AUTS2: variants seen among roughly 807,000 people sequenced by gnomAD.
AUTS2 encodes activator of transcription and developmental regulator AUTS2.
In AUTS2, 17 loss-of-function variants were observed where a neutral mutation model predicts 112.4. The observed-to-expected ratio is 0.15, with a 90% CI of 0.10 to 0.23. The LOEUF is 0.23. AUTS2 is among the 10% of genes least tolerant of loss of function. The pLI, the probability that AUTS2 is intolerant of heterozygous loss-of-function variation, is 1.00. For synonymous variants in AUTS2, 751 were observed against 702.7 expected (o/e 1.07, Z -1.09); for missense variants, 1,510 against 1,701.6 (o/e 0.89, Z 1.98).
intron 4 of AUTS2, among the ~76,000 whole-genome samples, chr7:70,262,246 G>C (rs1787203551): frequency 6.6e-6 from 1 of 152,102 alleles, no homozygotes; most frequent in Non-Finnish European, 1.5e-5. Flanking sequence ...CTGGAGTGCA[G>C]TGGTGCGATC....
chr7:70,144,765 C>A (rs1017815362), intron 4 of AUTS2, among the ~76,000 whole-genome samples: 6 of 152,046 alleles, frequency 3.9e-5, no homozygotes, highest in Non-Finnish European at 7.4e-5. Context: ...ATCCTGGATC[C>A]TGTCCTTCAG....
At chr7:70,715,507 T>TTTTTCTTTTCTTTTC (rs138855602) in intron 6 of AUTS2, among the ~76,000 whole-genome samples, 2 of 145,544 alleles carry the variant, frequency 1.4e-5, no homozygotes, top group South Asian at 2.3e-4. Flanking sequence ...TGCCTGTCTT[T>TTTTTCTTTTCTTTTC]TTTTCTTTTC....
intron 5 of AUTS2, among the ~76,000 whole-genome samples, chr7:70,589,107 G>A (rs2129528167): frequency 6.6e-6 from 1 of 152,324 alleles, no homozygotes; most frequent in South Asian, 2.1e-4. Flanking sequence ...GTAAAAAGCG[G>A]CCAGTCACAC....
chr7:69,649,861 T>A (rs1179872903), intron 1 of AUTS2, among the ~76,000 whole-genome samples: 2 of 152,160 alleles, frequency 1.3e-5, no homozygotes, highest in African/African-American at 4.8e-5. Context: ...TCTGGAAGGA[T>A]CACTGGGAAG....
chr7:70,469,797 C>T (rs543760392), intron 5 of AUTS2, among the ~76,000 whole-genome samples: 11 of 152,302 alleles, frequency 7.2e-5, no homozygotes, highest in Non-Finnish European at 8.8e-5. Flanking sequence ...CCCGCCACCA[C>T]GCCCGGCTAA....
chr7:70,507,188 G>C (rs1798998604), intron 5 of AUTS2, among the ~76,000 whole-genome samples: 1 of 152,132 alleles, frequency 6.6e-6, no homozygotes, highest in African/African-American at 2.4e-5. Flanking sequence ...ATTCCCTCTT[G>C]CAAGACTAAC....
chr7:70,103,766 C>T (rs557532811), intron 2 of AUTS2, among the ~76,000 whole-genome samples: 5 of 151,622 alleles, frequency 3.3e-5, no homozygotes, highest in Admixed American at 6.6e-5. Flanking sequence ...AAAAATTAGC[C>T]GGGCATGGTG....
chr7:70,717,590 A>G (rs1810450943), intron 6 of AUTS2, among the ~76,000 whole-genome samples: 1 of 152,126 alleles, frequency 6.6e-6, no homozygotes, highest in Non-Finnish European at 1.5e-5. Flanking sequence ...CTGTTCTTTA[A>G]AAAGCGTGAT....
At position 70,301,376 on chromosome 7, in the gene AUTS2, T is replaced by G. The variant is rs118017415; in HGVS notation, c.661-134376T>G. Among the ~76,000 whole-genome samples the G allele has an allele frequency of 9.3e-3, 1,417 of 152,348 alleles. 26 individuals carry two copies. Among genetic ancestry groups the G allele is most frequent in the South Asian group, 0.048 (234 of 4,830 alleles). ...CAGACTGAGTACCTCTTTTGTTTAA[T>G]TTTTGCACTTCTTGGAGGCATAAGG... On this transcript the variant is annotated intron_variant, in intron 4 of 18. Coordinates refer to ENST00000342771, the MANE Select transcript of AUTS2 (RefSeq NM_015570.4).
At chr7:70,255,218 G>T (rs556383737) in intron 4 of AUTS2, among the ~76,000 whole-genome samples, 1 of 151,554 alleles carries the variant, frequency 6.6e-6, no homozygotes, top group East Asian at 1.9e-4. Context: ...GGATTACAGG[G>T]ATGTGCCACC....
Position 69,675,505 on chromosome 7 carries a change from G to GTTTTT in AUTS2, c.309+75560_309+75564dup, listed in dbSNP as rs751222506. On this transcript the variant is annotated intron_variant, in intron 1 of 18. Transcript: ENST00000342771. The stretch of plus-strand genomic sequence containing the variant: ...TTTCTCAGGGTGGTTTTGGCTGAGG[G>GTTTTT]TTTTTTTTTTTTTTTTTTTTTGAGA... 2.5e-4 allele frequency among the ~76,000 whole-genome samples: 28 copies of GTTTTT among 114,204 alleles called. 1 individual carries two copies. Among genetic ancestry groups the GTTTTT allele is most frequent in the African/African-American group, 6.9e-4 (19 of 27,724 alleles). The allele number at this position is 114,204 out of a possible 152,430, so 74.9% of individuals were successfully genotyped here.
At chr7:70,399,763 AAAT>A (rs1794246619) in intron 4 of AUTS2, among the ~76,000 whole-genome samples, 1 of 151,958 alleles carries the variant, frequency 6.6e-6, no homozygotes, top group Non-Finnish European at 1.5e-5. Flanking sequence ...AAATAAAATA[AAAT>A]AAAATAAAAT....
At chr7:70,228,879 A>G (rs1811907493) in intron 4 of AUTS2, among the ~76,000 whole-genome samples, 1 of 151,940 alleles carries the variant, frequency 6.6e-6, no homozygotes, top group Non-Finnish European at 1.5e-5. Flanking sequence ...TGTATGTATG[A>G]TTTCTTTCAA....
At chr7:69,678,850 A>G (rs769518074) in intron 1 of AUTS2, among the ~76,000 whole-genome samples, 8 of 152,358 alleles carry the variant, frequency 5.3e-5, no homozygotes, top group South Asian at 2.1e-4. Flanking sequence ...ATTATATTTC[A>G]GACAGGGACA....
At chr7:70,333,053 C>T (rs1382530435) in intron 4 of AUTS2, among the ~76,000 whole-genome samples, 1 of 152,146 alleles carries the variant, frequency 6.6e-6, no homozygotes, top group African/African-American at 2.4e-5. Context: ...AAAATTTTTG[C>T]AATCTATCCA....
chr7:70,713,649 C>T (rs1458503325), intron 6 of AUTS2, among the ~76,000 whole-genome samples: 10 of 151,772 alleles, frequency 6.6e-5, no homozygotes, highest in Admixed American at 6.6e-4. Context: ...AATCCCAGCA[C>T]TTTGGGAGGC....
At chr7:69,821,122 G>T (rs1165162731) in intron 1 of AUTS2, among the ~76,000 whole-genome samples, 2 of 152,212 alleles carry the variant, frequency 1.3e-5, no homozygotes, top group Non-Finnish European at 2.9e-5. Context: ...CATAGATTCA[G>T]TGCCCAGTAT....
chr7:70,647,802 T>C (rs1022799532), intron 5 of AUTS2, among the ~76,000 whole-genome samples: 4 of 152,198 alleles, frequency 2.6e-5, no homozygotes, highest in Admixed American at 2.0e-4. Flanking sequence ...AAGGACTGCA[T>C]GCGCACATTT....
At chr7:70,034,233 A>G (rs755386001) in intron 2 of AUTS2, among the ~76,000 whole-genome samples, 17 of 152,162 alleles carry the variant, frequency 1.1e-4, no homozygotes, top group Non-Finnish European at 2.5e-4. Flanking sequence ...TCCAGAGAGC[A>G]CTAGATGAGG....
Sources: gnomAD v4.1 joint callset for allele counts (sites outside exome capture counted in the v4.1 genomes callset) on GRCh38, gnomAD v4.1.1 for gene constraint, MANE v1.5 for transcripts, NCBI Gene and HGNC (gene_info 2026-07-23, HGNC 2026-07-21) for gene names.